The following ITGB5 variants were observed in gnomAD, a reference collection of about 807,000 sequenced individuals.
ITGB5 encodes integrin beta-5.
ITGB5 carries 38 observed loss-of-function variants against 84.8 expected under a neutral mutation model. The observed-to-expected ratio is 0.45, with a 90% CI of 0.35 to 0.59. ITGB5 has a LOEUF of 0.59. Ranked by LOEUF, ITGB5 falls within the 20% of genes least tolerant of loss-of-function variation. ITGB5 has a pLI of 0.01. For synonymous variants in ITGB5, 393 were observed against 414.4 expected (o/e 0.95, Z 0.63); for missense variants, 905 against 1,034.5 (o/e 0.87, Z 1.72).
intron 2 of ITGB5, among the ~76,000 whole-genome samples, chr3:124,866,568 A>G (rs1210807582): frequency 6.6e-6 from 1 of 152,236 alleles, no homozygotes; most frequent in East Asian, 1.9e-4. Flanking sequence ...CCAAGCAAGA[A>G]AGGAGGCCAG....
chr3:124,821,325 T>C lies in ITGB5; in HGVS notation c.930A>G (p.Ala310=), dbSNP rs921287390. The C allele has an allele frequency of 1.2e-6, 2 of 1,613,446 alleles. No individual in the cohort carries two copies. The highest frequency in any genetic ancestry group is 1.7e-6 in the Non-Finnish European group (2 of 1,179,680). The part of the protein sequence containing the change: ...CHLNEANEYT[A]SNQMDYPSLA... Reference sequence around the variant, plus strand: ...TCCCGGCACTCACCATCTGGTTGGATGCAGTGTACTCGTTGGCCTCGTTCA... The same window carrying C: ...TCCCGGCACTCACCATCTGGTTGGACGCAGTGTACTCGTTGGCCTCGTTCA... Residue 310 remains alanine, a synonymous_variant, in exon 6 of 15, where the codon GCA becomes GCG. Transcript: ENST00000296181.
At chr3:124,846,763 A>G (rs2065084164) in intron 4 of ITGB5, among the ~76,000 whole-genome samples, 1 of 152,056 alleles carries the variant, frequency 6.6e-6, no homozygotes, top group East Asian at 1.9e-4. Context: ...GTGAAACCCC[A>G]TCTCTACTAA....
intron 1 of ITGB5, among the ~76,000 whole-genome samples, chr3:124,884,337 A>G (rs914132632): frequency 2.0e-5 from 3 of 152,192 alleles, no homozygotes; most frequent in Non-Finnish European, 4.4e-5. Context: ...CCTAAGAGGT[A>G]AGCAGCAAGT....
chr3:124,882,646 C>T (rs542627070), intron 1 of ITGB5, among the ~76,000 whole-genome samples: 1 of 152,122 alleles, frequency 6.6e-6, no homozygotes, highest in African/African-American at 2.4e-5. Flanking sequence ...GGAAACCATT[C>T]GAAGGTTTTA....
At chr3:124,864,147 A>G (rs2065350312) in intron 2 of ITGB5, among the ~76,000 whole-genome samples, 1 of 110,490 alleles carries the variant, frequency 9.1e-6, no homozygotes, top group Non-Finnish European at 1.7e-5. Context: ...TTGCTCTGTC[A>G]TCCAGGCTGG....
At chr3:124,772,098 G>T (rs866232310) in intron 11 of ITGB5, among the ~76,000 whole-genome samples, 1 of 152,102 alleles carries the variant, frequency 6.6e-6, no homozygotes, top group African/African-American at 2.4e-5. Context: ...ACCTCCCTCG[G>T]ATACAAAACG....
chr3:124,826,206 G>A (rs184893650), intron 5 of ITGB5, among the ~76,000 whole-genome samples: 3 of 152,154 alleles, frequency 2.0e-5, no homozygotes, highest in Non-Finnish European at 2.9e-5. Flanking sequence ...TTTAATAGGC[G>A]GGCACAACTT....
chr3:124,896,312 T>C (rs1935099980), intron 1 of ITGB5, among the ~76,000 whole-genome samples: 1 of 152,170 alleles, frequency 6.6e-6, no homozygotes, highest in African/African-American at 2.4e-5. Context: ...TCAGTGGAGA[T>C]TGATCACTGT....
chr3:124,782,782 CAGG>C (rs2064023036), intron 10 of ITGB5, among the ~76,000 whole-genome samples: 1 of 151,626 alleles, frequency 6.6e-6, no homozygotes, highest in African/African-American at 2.4e-5. Context: ...TGCTTGAACC[CAGG>C]AGGTGGAGGA....
chr3:124,863,237 C>CAAGGCAGGTCTGAAGAAGCTTTTGAGGGT (rs2065331171), intron 2 of ITGB5: 2 of 152,230 alleles, frequency 1.3e-5, no homozygotes, highest in African/African-American at 4.8e-5. Flanking sequence ...CACCACGGGG[C>CAAGGCAGGTCTGAAGAAGCTTTTGAGGGT]AAGGCAGGTC....
chr3:124,793,108 C>G (rs994727586), intron 10 of ITGB5: 2 of 152,150 alleles, frequency 1.3e-5, no homozygotes, highest in African/African-American at 4.8e-5. Context: ...CTTCAATTCT[C>G]AAAATAATGC....
intron 1 of ITGB5, among the ~76,000 whole-genome samples, chr3:124,883,383 T>G (rs1343452364): frequency 3.3e-5 from 5 of 152,202 alleles, no homozygotes; most frequent in African/African-American, 1.2e-4. Flanking sequence ...CTCTTCTGCC[T>G]CAATCCCCTT....
At chr3:124,795,933 G>A (rs1466396955) in intron 10 of ITGB5, among the ~76,000 whole-genome samples, 5 of 152,194 alleles carry the variant, frequency 3.3e-5, no homozygotes, top group African/African-American at 1.2e-4. Flanking sequence ...GAACTGTAAT[G>A]GATTAAATGT....
intron 1 of ITGB5, among the ~76,000 whole-genome samples, chr3:124,897,581 G>A (rs1207313788): frequency 6.6e-6 from 1 of 152,222 alleles, no homozygotes; most frequent in Non-Finnish European, 1.5e-5. Context: ...CAGCACTTGG[G>A]AGGCCGAGGC....
intron 2 of ITGB5, among the ~76,000 whole-genome samples, chr3:124,863,472 T>C (rs6787638): frequency 0.18 from 27,504 of 152,212 alleles, 2,506 homozygotes; most frequent in South Asian, 0.21. Context: ...GGGAGTTAGG[T>C]CACAAGCCAA....
At chr3:124,853,776 T>C (rs2065188039) in intron 3 of ITGB5, among the ~76,000 whole-genome samples, 2 of 152,208 alleles carry the variant, frequency 1.3e-5, no homozygotes, top group South Asian at 4.1e-4. Flanking sequence ...AATGTACTTT[T>C]GTTATATTAA....
upstream of ITGB5, among the ~76,000 whole-genome samples, chr3:124,888,074 C>T (rs1182312175): frequency 6.6e-6 from 1 of 151,830 alleles, no homozygotes; most frequent in Admixed American, 6.6e-5. Context: ...CGCCACCACA[C>T]CCGGACAATT....
intron 5 of ITGB5, among the ~76,000 whole-genome samples, chr3:124,829,506 T>C (rs2064829815): frequency 6.6e-6 from 1 of 152,198 alleles, no homozygotes; most frequent in Non-Finnish European, 1.5e-5. Context: ...GGGAACGACC[T>C]CACTTGTTTC....
intron 5 of ITGB5, among the ~76,000 whole-genome samples, chr3:124,839,604 T>C (rs1484104757): frequency 6.6e-6 from 1 of 152,238 alleles, no homozygotes; most frequent in Admixed American, 6.5e-5. Flanking sequence ...GGGGATCCTA[T>C]GTCTTCTCTG....
Sources: gnomAD v4.1 joint callset for allele counts (sites outside exome capture counted in the v4.1 genomes callset) on GRCh38, gnomAD v4.1.1 for gene constraint, MANE v1.5 for transcripts, NCBI Gene and HGNC (gene_info 2026-07-23, HGNC 2026-07-21) for gene names.